HDAC4: variants seen among roughly 807,000 people sequenced by gnomAD.
The protein encoded by HDAC4 is histone deacetylase A.
Under a neutral mutation model 135.1 loss-of-function variants are expected in HDAC4, and 16 were observed. The observed-to-expected ratio is 0.12, with a 90% CI of 0.08 to 0.18. HDAC4 has a LOEUF of 0.18. HDAC4 is among the 10% of genes least tolerant of loss of function. The pLI, the probability that HDAC4 is intolerant of heterozygous loss-of-function variation, is 1.00. For synonymous variants in HDAC4, 685 were observed against 653.4 expected, an observed-to-expected ratio of 1.05 and a Z score of -0.74; for missense variants, 1,143 against 1,511.8, an observed-to-expected ratio of 0.76 and a Z score of 4.05.
At chr2:239,159,294 T>C (rs2042630121) in intron 6 of HDAC4, among the ~76,000 whole-genome samples, 1 of 139,938 alleles carries the variant, frequency 7.1e-6, no homozygotes, top group Non-Finnish European at 1.5e-5. Flanking sequence ...CTCACCTCAC[T>C]ACTCACGCCC....
intron 2 of HDAC4, among the ~76,000 whole-genome samples, chr2:239,294,852 A>G (rs2125549108): frequency 6.6e-6 from 1 of 152,296 alleles, no homozygotes; most frequent in South Asian, 2.1e-4. Flanking sequence ...GTGCGCTCTC[A>G]GGACAGGACA....
chr2:239,373,592 T>G (rs550876488), intron 1 of HDAC4, among the ~76,000 whole-genome samples: 1 of 152,250 alleles, frequency 6.6e-6, no homozygotes, highest in Admixed American at 6.5e-5. Flanking sequence ...GCCTCCCAAG[T>G]AGCTGGGATT....
intron 3 of HDAC4, among the ~76,000 whole-genome samples, chr2:239,195,485 C>CCA (rs1307270288): frequency 6.6e-6 from 1 of 152,210 alleles, no homozygotes; most frequent in East Asian, 1.9e-4. Flanking sequence ...AGGCCCGGCC[C>CCA]CACACACCAG....
chr2:239,126,556 T>C lies in HDAC4; in HGVS notation c.1433A>G (p.Asn478Ser). Residue 478 changes from asparagine (N) to serine (S), a missense_variant, in exon 12 of 27, where the codon AAC (asparagine) becomes AGC (serine). Asn to Ser is a conservative substitution (Grantham distance 46). Coordinates refer to ENST00000543185, the MANE Select transcript of HDAC4 (RefSeq NM_001378414.1). ...GRTQSAPLPQ[N>S]AQALQHLVIQ... ...GACCAGGTGCTGCAGAGCCTGGGCG[T>C]TCTGGGGCAGCGGGGCCGACTGGGT... 1 of 1,613,800 alleles carries C rather than the reference T, an allele frequency of 6.2e-7. No homozygotes were observed. Among genetic ancestry groups the C allele is most frequent in the South Asian group, 1.1e-5 (1 of 91,072 alleles).
chr2:239,258,833 A>G (rs1267754336), intron 2 of HDAC4, among the ~76,000 whole-genome samples: 1 of 152,246 alleles, frequency 6.6e-6, no homozygotes, highest in Non-Finnish European at 1.5e-5. Context: ...GTTCAATGTA[A>G]ACAAACTAAA....
intron 18 of HDAC4, among the ~76,000 whole-genome samples, chr2:239,088,813 G>A (rs933904246): frequency 6.6e-6 from 1 of 152,212 alleles, no homozygotes; most frequent in Admixed American, 6.5e-5. Flanking sequence ...CTGCCCCTGT[G>A]AGCCTGCTGG....
At position 239,226,496 on chromosome 2, in the gene HDAC4, G is replaced by A. The variant is rs1044565083; in HGVS notation, c.94+10097C>T. Among the ~76,000 whole-genome samples the A allele has an allele frequency of 5.9e-5, 9 of 152,212 alleles. No homozygotes were observed. In the South Asian group the frequency reaches 1.2e-3, roughly 21 times the overall value. ...CCAGATTTGCTGTGGATGTGTGGAC[G>A]GTTTTAGAAGCACCCAGAGGATATT... On this transcript the variant is annotated intron_variant, in intron 3 of 26. Transcript: ENST00000543185.
intron 5 of HDAC4, among the ~76,000 whole-genome samples, chr2:239,166,156 C>T (rs1175487350): frequency 6.6e-6 from 1 of 152,142 alleles, no homozygotes; most frequent in Non-Finnish European, 1.5e-5. Context: ...TACGGCAGAA[C>T]CCCACTCCCA....
chr2:239,260,156 C>A (rs192023749), intron 2 of HDAC4, among the ~76,000 whole-genome samples: 1 of 152,200 alleles, frequency 6.6e-6, no homozygotes, highest in African/African-American at 2.4e-5. Flanking sequence ...TCCCATCCAA[C>A]GGAAGCCCCT....
At chr2:239,116,526 C>A (rs941008663) in intron 12 of HDAC4, among the ~76,000 whole-genome samples, 1 of 152,248 alleles carries the variant, frequency 6.6e-6, no homozygotes, top group Non-Finnish European at 1.5e-5. Context: ...CTTTGCCCCA[C>A]CTGGCCTCTC....
intron 3 of HDAC4, among the ~76,000 whole-genome samples, chr2:239,235,192 C>T (rs900194031): frequency 1.3e-4 from 20 of 151,314 alleles, no homozygotes; most frequent in Admixed American, 1.2e-3. Flanking sequence ...AGGAGCCCCC[C>T]GAACACCCCC....
At chr2:239,208,340 A>G (rs1029297012) in intron 3 of HDAC4, among the ~76,000 whole-genome samples, 45 of 103,934 alleles carry the variant, frequency 4.3e-4, no homozygotes, top group African/African-American at 1.2e-3. Context: ...AAAAAAAAAA[A>G]AAAAAAAAAA....
chr2:239,188,499 G>A (rs2044694570), intron 4 of HDAC4, among the ~76,000 whole-genome samples: 1 of 152,222 alleles, frequency 6.6e-6, no homozygotes, highest in South Asian at 2.1e-4. Flanking sequence ...CAAGACCTCA[G>A]GTGAACAACT....
chr2:239,210,695 G>A (rs1356893653), intron 3 of HDAC4, among the ~76,000 whole-genome samples: 1 of 152,168 alleles, frequency 6.6e-6, no homozygotes. Flanking sequence ...AGGAGGAAAC[G>A]CCAGTTTAGA....
At chr2:239,289,383 CG>C (rs777070368) in intron 2 of HDAC4, among the ~76,000 whole-genome samples, 50 of 152,110 alleles carry the variant, frequency 3.3e-4, no homozygotes, top group Non-Finnish European at 6.2e-4. Context: ...TTGTCTTAGT[CG>C]AGGTGTCATT....
chr2:239,283,635 T>A (rs2050954837), intron 2 of HDAC4, among the ~76,000 whole-genome samples: 1 of 152,234 alleles, frequency 6.6e-6, no homozygotes, highest in Admixed American at 6.5e-5. Context: ...GCATTTGTTT[T>A]AATGTGACTT....
chr2:239,291,378 G>T (rs910568898), intron 2 of HDAC4, among the ~76,000 whole-genome samples: 1 of 152,246 alleles, frequency 6.6e-6, no homozygotes, highest in Non-Finnish European at 1.5e-5. Context: ...TTGTTTACAT[G>T]GCCTGGGCTG....
At chr2:239,125,710 A>G (rs555022433) in intron 12 of HDAC4, among the ~76,000 whole-genome samples, 1 of 152,336 alleles carries the variant, frequency 6.6e-6, no homozygotes, top group Non-Finnish European at 1.5e-5. Flanking sequence ...CCAGCATTTG[A>G]TCAACACGTA....
intron 3 of HDAC4, among the ~76,000 whole-genome samples, chr2:239,227,945 C>T (rs998387345): frequency 5.3e-5 from 8 of 152,170 alleles, no homozygotes; most frequent in Admixed American, 2.0e-4. Context: ...ACATTTTCAA[C>T]GCAATTCAAG....
Sources: gnomAD v4.1 joint callset for allele counts (sites outside exome capture counted in the v4.1 genomes callset) on GRCh38, gnomAD v4.1.1 for gene constraint, MANE v1.5 for transcripts, NCBI Gene and HGNC (gene_info 2026-07-23, HGNC 2026-07-21) for gene names.